ITPR2: variants seen among roughly 807,000 people sequenced by gnomAD.
ITPR2 encodes the protein inositol 1,4,5-trisphosphate receptor type 2.
A neutral mutation model predicts 317.1 loss-of-function variants in ITPR2; 207 were observed. That is an observed-to-expected ratio of 0.65 (90% CI 0.58 to 0.73). The LOEUF (loss-of-function observed/expected upper bound fraction) is 0.73, where lower values mean the gene tolerates loss of function less well. Among genes scored for constraint, ITPR2 ranks in the 30% least tolerant of loss-of-function variants. The probability of loss-of-function intolerance (pLI) is 0.00; values close to 1 mark genes in which losing one functional copy is unlikely to be tolerated. For synonymous variants in ITPR2, 1,156 were observed against 1,149.1 expected, an observed-to-expected ratio of 1.01 and a Z score of -0.12; for missense variants, 2,613 against 3,284.0, an observed-to-expected ratio of 0.80 and a Z score of 4.99.
rs1486489380 is a variant in ITPR2, at chr12:26,722,408, C to T, written c.514G>A (p.Glu172Lys). The T allele has an allele frequency of 1.9e-6, 3 of 1,610,606 alleles. No individual in the cohort carries two copies. The highest frequency in any genetic ancestry group is 1.1e-5 in the South Asian group (1 of 90,368). Residue 172 changes from glutamate (E) to lysine (K), a missense_variant, in exon 5 of 57, where the codon GAG becomes AAG. Around this residue, in one of 9 missense-constraint regions of ITPR2, gnomAD observed 515 missense variants for 789.4 expected, o/e 0.65. Transcript: ENST00000381340. ...TGTATATTACATACATTGTCACCCT[C>T]GCTTCTCAGTTTCCAGAACGGATGA... ...YIHPFWKLRSEGDNIVVGDKV... is the reference protein window; with the variant it reads ...YIHPFWKLRSKGDNIVVGDKV...
At chr12:26,822,473 C>A (rs1241500906) in intron 1 of ITPR2, among the ~76,000 whole-genome samples, 2 of 151,930 alleles carry the variant, frequency 1.3e-5, no homozygotes, top group Non-Finnish European at 2.9e-5. Context: ...ATATTAAGAA[C>A]TATTAAAATA....
intron 39 of ITPR2, among the ~76,000 whole-genome samples, chr12:26,487,961 T>A (rs1041533989): frequency 2.0e-5 from 3 of 152,090 alleles, no homozygotes; most frequent in Admixed American, 2.0e-4. Context: ...GTAGAAATGG[T>A]TCAGAAACAA....
intron 37 of ITPR2, among the ~76,000 whole-genome samples, chr12:26,517,230 A>T (rs553244406): frequency 6.6e-6 from 1 of 152,324 alleles, no homozygotes; most frequent in East Asian, 1.9e-4. Context: ...GATAACAGCC[A>T]AAAGAAACTA....
intron 26 of ITPR2, among the ~76,000 whole-genome samples, chr12:26,619,363 T>C (rs909272342): frequency 2.6e-5 from 4 of 152,240 alleles, no homozygotes; most frequent in African/African-American, 7.2e-5. Flanking sequence ...TATTCTTCCC[T>C]GCTAGAAGAA....
chr12:26,506,336 T>G (rs1052587233), intron 37 of ITPR2, among the ~76,000 whole-genome samples: 1 of 151,674 alleles, frequency 6.6e-6, no homozygotes, highest in Admixed American at 6.6e-5. Context: ...TAGCAAGACT[T>G]CATCTCTAAT....
chr12:26,515,951 A>G (rs865881426), intron 37 of ITPR2, among the ~76,000 whole-genome samples: 5 of 150,736 alleles, frequency 3.3e-5, no homozygotes, highest in Admixed American at 6.6e-5. Flanking sequence ...CTCTACAAAA[A>G]AAAAAGAAAA....
chr12:26,508,625 T>G (rs982682908), intron 37 of ITPR2, among the ~76,000 whole-genome samples: 1 of 152,192 alleles, frequency 6.6e-6, no homozygotes, highest in Non-Finnish European at 1.5e-5. Flanking sequence ...AACTAATTTA[T>G]GAACCATGGA....
chr12:26,567,996 ATT>A (rs1945044359), intron 34 of ITPR2, among the ~76,000 whole-genome samples: 1 of 5,142 alleles, frequency 1.9e-4, no homozygotes, highest in Admixed American at 9.4e-4. Context: ...ATATATATAT[ATT>A]ATATATATTA....
At chr12:26,457,896 G>A (rs1941929732) in intron 45 of ITPR2, among the ~76,000 whole-genome samples, 1 of 152,092 alleles carries the variant, frequency 6.6e-6, no homozygotes, top group Non-Finnish European at 1.5e-5. Context: ...ATTTAGATGA[G>A]ACACAGCACC....
At chr12:26,462,109 G>A (rs1189867292) in intron 45 of ITPR2, among the ~76,000 whole-genome samples, 1 of 151,234 alleles carries the variant, frequency 6.6e-6, no homozygotes, top group Admixed American at 6.6e-5. Context: ...ATAATAATGA[G>A]ACTCACATAC....
chr12:26,337,130 G>A lies in ITPR2; in HGVS notation c.*2267C>T, dbSNP rs1422874719. The A allele has an allele frequency of 6.6e-6, 1 of 152,090 alleles. No homozygotes were observed. The highest frequency in any genetic ancestry group is 2.4e-5 in the African/African-American group (1 of 41,428). 9.4% of individuals were successfully genotyped at this position (152,090 alleles called of 1,614,324 possible). ...GAATACTTTCCTTGGGAGAAAATAT[G>A]CTGTGAAACAGTGATCTGCCACTAC... On this transcript the variant is annotated 3_prime_UTR_variant, in exon 57 of 57. Transcript: ENST00000381340.
intron 2 of ITPR2, among the ~76,000 whole-genome samples, chr12:26,752,816 G>C (rs1372112476): frequency 2.0e-5 from 3 of 152,136 alleles, no homozygotes; most frequent in Non-Finnish European, 4.4e-5. Flanking sequence ...CAAGGGACTA[G>C]AGTGAGGAAA....
At chr12:26,356,534 TTGG>T (rs1185865599) in intron 55 of ITPR2, among the ~76,000 whole-genome samples, 1 of 152,150 alleles carries the variant, frequency 6.6e-6, no homozygotes, top group Non-Finnish European at 1.5e-5. Flanking sequence ...GCACAAGGTG[TTGG>T]TGAACAGGAA....
intron 2 of ITPR2, among the ~76,000 whole-genome samples, chr12:26,768,266 G>T (rs1818580006): frequency 1.4e-5 from 2 of 144,418 alleles, no homozygotes; most frequent in Non-Finnish European, 3.1e-5. Flanking sequence ...GACGGTGGTG[G>T]GGTCGGGGGA....
chr12:26,822,866 A>G (rs1950959264), intron 1 of ITPR2, among the ~76,000 whole-genome samples: 1 of 152,234 alleles, frequency 6.6e-6, no homozygotes, highest in Non-Finnish European at 1.5e-5. Flanking sequence ...ATAGGTTCTC[A>G]GATTATTTCT....
intron 37 of ITPR2, among the ~76,000 whole-genome samples, chr12:26,522,286 T>A (rs1943686441): frequency 6.6e-6 from 1 of 152,212 alleles, no homozygotes. Flanking sequence ...AGCATAGAGA[T>A]GTTCTAATGC....
At chr12:26,745,115 G>C (rs1486635277) in intron 2 of ITPR2, among the ~76,000 whole-genome samples, 3 of 152,182 alleles carry the variant, frequency 2.0e-5, no homozygotes, top group Non-Finnish European at 2.9e-5. Flanking sequence ...TTGCCAGAAC[G>C]GGCTTTGATG....
At chr12:26,537,131 G>C (rs1266854252) in intron 37 of ITPR2, among the ~76,000 whole-genome samples, 1 of 152,174 alleles carries the variant, frequency 6.6e-6, no homozygotes, top group East Asian at 1.9e-4. Context: ...TGGAGCGGGA[G>C]AGGAAGTGTT....
At position 26,726,495 on chromosome 12, in the gene ITPR2, A is replaced by G. The variant is rs547055444; in HGVS notation, c.164-730T>C. Among the ~76,000 whole-genome samples, 6 of 152,344 alleles carry G rather than the reference A, an allele frequency of 3.9e-5. No individual in the cohort carries two copies. The East Asian group carries it at 1.2e-3, about 29-fold the overall frequency. ...ATTTTGTATGCTTGTGGAATAGATT[A>G]CAATCTAGAATAAAGGTAAATTCTC... On this transcript the variant is annotated intron_variant, in intron 2 of 56. Coordinates refer to ENST00000381340, the MANE Select transcript of ITPR2 (RefSeq NM_002223.4).
Sources: allele counts gnomAD v4.1 joint callset (sites outside exome capture counted in the v4.1 genomes callset), GRCh38; gene constraint gnomAD v4.1.1; regional missense constraint gnomAD v4.1.1; transcripts MANE v1.5; gene names NCBI Gene and HGNC (gene_info 2026-07-23, HGNC 2026-07-21).